Variants in NHS observed in about 807,000 individuals in gnomAD.
The protein encoded by NHS is NHS actin remodeling regulator, also known as actin remodeling regulator NHS.
NHS carries 5 observed loss-of-function variants against 72.5 expected under a neutral mutation model. The observed-to-expected ratio is 0.07, with a 90% CI of 0.04 to 0.14. The LOEUF (loss-of-function observed/expected upper bound fraction) is 0.14, where lower values mean the gene tolerates loss of function less well. Among genes scored for constraint, NHS ranks in the 10% least tolerant of loss-of-function variants. The pLI is 1.00. For synonymous variants in NHS, 464 were observed against 547.7 expected (o/e 0.85, Z 2.13); for missense variants, 1,072 against 1,355.7 (o/e 0.79, Z 3.29).
At chrX:17,610,867 G>A (rs1055413202) in intron 1 of NHS, among the ~76,000 whole-genome samples, 1 of 112,065 alleles carries the variant, frequency 8.9e-6, no homozygotes, top group African/African-American at 3.2e-5. Context: ...TACCTTCCTG[G>A]GTCTGTGATC....
intron 1 of NHS, among the ~76,000 whole-genome samples, chrX:17,522,062 G>A (rs1023158734): frequency 8.9e-6 from 1 of 112,611 alleles, no homozygotes; most frequent in Non-Finnish European, 1.9e-5. Context: ...GCTCCCCTGG[G>A]GGCTGTGGCA....
chrX:17,714,722 C>T (rs372604595), intron 3 of NHS, among the ~76,000 whole-genome samples: 3 of 111,827 alleles, frequency 2.7e-5, no homozygotes, highest in East Asian at 2.8e-4. Context: ...GAATAAGCAA[C>T]GAGATTCATT....
intron 1 of NHS, among the ~76,000 whole-genome samples, chrX:17,395,354 T>C (rs2064468878): frequency 8.9e-6 from 1 of 112,319 alleles, no homozygotes; most frequent in Non-Finnish European, 1.9e-5. Flanking sequence ...AGGCTGTGGC[T>C]GTATGTCTGG....
chrX:17,572,913 T>C (rs951107846), intron 1 of NHS, among the ~76,000 whole-genome samples: 1 of 111,695 alleles, frequency 9.0e-6, no homozygotes, highest in Admixed American at 9.5e-5. Context: ...CTCTGTAAAG[T>C]ATTTTATTTC....
At chrX:17,398,648 A>T (rs2064487982) in intron 1 of NHS, among the ~76,000 whole-genome samples, 1 of 111,974 alleles carries the variant, frequency 8.9e-6, no homozygotes, top group African/African-American at 3.3e-5. Flanking sequence ...TTGGCTGGCA[A>T]GTCACCTGAG....
At chrX:17,689,490 C>T (rs948896269) in intron 2 of NHS, among the ~76,000 whole-genome samples, 1 of 112,058 alleles carries the variant, frequency 8.9e-6, no homozygotes, top group Non-Finnish European at 1.9e-5. Flanking sequence ...AGGCACCCTT[C>T]CCATAATATC....
intron 3 of NHS, among the ~76,000 whole-genome samples, chrX:17,693,391 G>A (rs1262846067): frequency 4.4e-5 from 5 of 112,440 alleles, no homozygotes; most frequent in African/African-American, 1.6e-4. Flanking sequence ...CTGTCTGAAT[G>A]TCTGCATTCC....
chrX:17,494,076 CTTT>C (rs749475125), intron 1 of NHS, among the ~76,000 whole-genome samples: 4 of 73,317 alleles, frequency 5.5e-5, no homozygotes, highest in Non-Finnish European at 5.0e-5. Flanking sequence ...TCCTGGATGA[CTTT>C]TTTTTTTTTT....
chrX:17,406,375 C>A (rs1276313044), intron 1 of NHS, among the ~76,000 whole-genome samples: 1 of 111,325 alleles, frequency 9.0e-6, no homozygotes, highest in East Asian at 2.8e-4. Flanking sequence ...TCATGACTGA[C>A]CTTATCCCTC....
chrX:17,460,370 A>C (rs112676580), intron 1 of NHS, among the ~76,000 whole-genome samples: 6,810 of 111,315 alleles, frequency 0.061, 562 homozygotes, highest in African/African-American at 0.21. Context: ...AGGAAACTTA[A>C]AATCATGGTG....
At chrX:17,578,198 T>C (rs1319081737) in intron 1 of NHS, among the ~76,000 whole-genome samples, 4 of 112,853 alleles carry the variant, frequency 3.5e-5, no homozygotes, top group African/African-American at 1.3e-4. Context: ...TCTTTAATTA[T>C]GCCAACATCC....
At chrX:17,589,958 T>C (rs2146989094) in intron 1 of NHS, among the ~76,000 whole-genome samples, 1 of 112,381 alleles carries the variant, frequency 8.9e-6, no homozygotes, top group African/African-American at 3.2e-5. Context: ...TTTTTTCATG[T>C]GTTTGTTGGT....
At chrX:17,544,728 G>C (rs1039446839) in intron 1 of NHS, among the ~76,000 whole-genome samples, 1 of 111,550 alleles carries the variant, frequency 9.0e-6, no homozygotes, top group African/African-American at 3.3e-5. Flanking sequence ...GGCCCGGCTG[G>C]TCTTGAACTT....
intron 1 of NHS, among the ~76,000 whole-genome samples, chrX:17,492,244 C>A (rs2064995296): frequency 8.9e-6 from 1 of 112,071 alleles, no homozygotes; most frequent in African/African-American, 3.2e-5. Context: ...GATTTTAGAT[C>A]TTTCCTCCTT....
At chrX:17,728,837 G>T (rs989956607) in intron 8 of NHS, 62 bp downstream of exon 8, 2 of 1,185,264 alleles carry the variant, frequency 1.7e-6, no homozygotes, top group African/African-American at 3.5e-5. Flanking sequence ...GCCCCTTCAG[G>T]TACTTCTCAC....
intron 1 of NHS, among the ~76,000 whole-genome samples, chrX:17,525,903 A>G (rs2065171456): frequency 9.0e-6 from 1 of 111,255 alleles, no homozygotes; most frequent in Non-Finnish European, 1.9e-5. Flanking sequence ...CTATAAGCGG[A>G]CATGAAGGAA....
Position 17,721,653 on chromosome X carries a change from T to A in NHS, c.1108+20T>A. The A allele has an allele frequency of 8.5e-7, 1 of 1,170,982 alleles. No individual in the cohort carries two copies. Among genetic ancestry groups the A allele is most frequent in the South Asian group, 1.8e-5 (1 of 54,573 alleles). On this transcript the variant is annotated intron_variant, in intron 5 of 8. Transcript: ENST00000676302. ...TTACTGGTATCGTTCTGGTTTTTTC[T>A]TAGGGGCAGTCGGGTCAGAATATTC...
At chrX:17,674,262 T>C (rs1169053458) in intron 1 of NHS, among the ~76,000 whole-genome samples, 1 of 111,284 alleles carries the variant, frequency 9.0e-6, no homozygotes, top group Non-Finnish European at 1.9e-5. Flanking sequence ...ATAACTTTGC[T>C]CTCTCTTCTC....
At chrX:17,439,924 T>C (rs1165395966) in intron 1 of NHS, among the ~76,000 whole-genome samples, 1 of 111,859 alleles carries the variant, frequency 8.9e-6, no homozygotes, top group Non-Finnish European at 1.9e-5. Context: ...ATTAAACTTG[T>C]CTCAATGACA....
Sources: gnomAD v4.1 joint callset for allele counts (sites outside exome capture counted in the v4.1 genomes callset) on GRCh38, gnomAD v4.1.1 for gene constraint, MANE v1.5 for transcripts, NCBI Gene and HGNC (gene_info 2026-07-23, HGNC 2026-07-21) for gene names.